CYBA: variants seen among roughly 807,000 people sequenced by gnomAD.
The protein encoded by CYBA is cytochrome b-245 light chain.
In CYBA, 21 loss-of-function variants were observed where a neutral mutation model predicts 20.8. The ratio of observed to expected loss-of-function variants is 1.01; its 90% CI spans 0.72 to 1.46. The LOEUF (loss-of-function observed/expected upper bound fraction) is 1.46. CYBA is among the 40% of genes most tolerant of loss of function. CYBA has a pLI of 0.00. For synonymous variants in CYBA, 164 were observed against 127.5 expected (o/e 1.29, Z -1.93); for missense variants, 344 against 287.0 (o/e 1.20, Z -1.43).
At chr16:88,645,982 G>C (rs928056484) in intron 5 of CYBA, 134 bp downstream of exon 5, 1 of 757,208 alleles carries the variant, frequency 1.3e-6, no homozygotes, top group South Asian at 1.5e-5. Flanking sequence ...GTGAGCACAC[G>C]CCCAGGCTCA....
intron 1 of CYBA, 155 bp downstream of exon 1, chr16:88,650,801 C>T (rs1246670131): frequency 1.2e-5 from 9 of 771,792 alleles, no homozygotes; most frequent in Non-Finnish European, 1.9e-5. Flanking sequence ...CTGAGGGTCC[C>T]GCCCCCGTTC....
intron 2 of CYBA, 99 bp from the exon 3 acceptor site, chr16:88,647,274 G>C (rs770348758): frequency 9.6e-5 from 113 of 1,172,444 alleles, no homozygotes; most frequent in Non-Finnish European, 1.3e-4. Context: ...GAGCACGGTG[G>C]CTCATGCCTG....
rs1404783991 is a variant in CYBA at position 88,646,070 on chromosome 16, C to CT, written c.369+45dup. On this transcript the variant is annotated intron_variant, in intron 5 of 5. Coordinates refer to ENST00000261623, the MANE Select transcript of CYBA (RefSeq NM_000101.4). ...GTGTCCGAGGGTGTCAGGGCAGGGG[C>CT]TGGGGATGGGGGTGGCCGGGGCCGA... is the stretch of plus-strand genomic sequence containing the variant. 27 of 1,484,398 alleles carry CT rather than the reference C, an allele frequency of 1.8e-5. No individual in the cohort carries two copies. The Admixed American group carries it at 2.6e-4, about 14-fold the overall frequency. 92.0% of individuals were successfully genotyped at this position (1,484,398 alleles called of 1,614,324 possible). A position where few individuals can be genotyped will look rare whatever the true frequency, so the allele number is the denominator to read the frequency against.
chr16:88,647,610 G>A, intron 2 of CYBA: 1 of 367,374 alleles, frequency 2.7e-6, no homozygotes, highest in Non-Finnish European at 5.2e-6. Flanking sequence ...AACAGGTCTG[G>A]CACTCGGGGC....
At chr16:88,647,851 G>A in intron 2 of CYBA, 194 bp downstream of exon 2, 1 of 642,592 alleles carries the variant, frequency 1.6e-6, no homozygotes, top group South Asian at 1.8e-5. Flanking sequence ...TGGCGGGTCT[G>A]CCGCTGATCG....
intron 5 of CYBA, chr16:88,645,861 A>G: frequency 1.7e-6 from 1 of 579,860 alleles, no homozygotes; most frequent in Non-Finnish European, 3.1e-6. Context: ...TGGGGACCCC[A>G]GTACCCCTCC....
At chr16:88,644,957 C>A in intron 5 of CYBA, 1 of 592,952 alleles carries the variant, frequency 1.7e-6, no homozygotes. Flanking sequence ...AGTCCAAGCT[C>A]CACACGGCCA....
Position 88,647,164 on chromosome 16 carries a change from A to G in CYBA, c.140T>C (p.Val47Ala), listed in dbSNP as rs552648681. The G allele has an allele frequency of 6.2e-7, 1 of 1,605,718 alleles. No individual in the cohort carries two copies. The highest frequency in any genetic ancestry group is 2.3e-5 in the East Asian group (1 of 44,392). Residue 47 changes from valine to alanine, a missense_variant, in exon 3 of 6, where the codon GTG (valine) becomes GCG (alanine). Val to Ala is a moderately conservative substitution (Grantham distance 64). Coordinates refer to ENST00000261623, the MANE Select transcript of CYBA (RefSeq NM_000101.4). Reference sequence around the variant, plus strand: ...GGGGTACTCCAGCAGGCACACAAACACGCCCGCCACACTGAAGCCATGTGG... The same window carrying G: ...GGGGTACTCCAGCAGGCACACAAACGCGCCCGCCACACTGAAGCCATGTGG... ...YFGAYSIVAG[V>A]FVCLLEYPRG...
chr16:88,650,250 C>T (rs1009816507), intron 1 of CYBA: 15 of 399,296 alleles, frequency 3.8e-5, no homozygotes, highest in Admixed American at 3.7e-4. Flanking sequence ...AGCCCAGCCT[C>T]ACCCGTGCTG....
At position 88,643,555 on chromosome 16, in the gene CYBA, T is replaced by C; in HGVS notation, c.386A>G (p.Glu129Gly). Residue 129 changes from glutamate to glycine, a missense_variant, in exon 6 of 6, where the codon GAG becomes GGG. Coordinates refer to ENST00000261623, the MANE Select transcript of CYBA (RefSeq NM_000101.4). This position sits in a 1 kb window ranked among gnomAD's most constrained non-coding sequence, Gnocchi z 4.3. ...CTTGGGCTCGATGGGCGTCCACTGC[T>C]CGCCACGCACAGCCGCCTGCGGGGC... Reference protein sequence around the residue: ...GIYLLAAVRGEQWTPIEPKPR... With the variant: ...GIYLLAAVRGGQWTPIEPKPR... 1 of 1,533,796 alleles carries C rather than the reference T, an allele frequency of 6.5e-7. No homozygotes were observed. Among genetic ancestry groups the C allele is most frequent in the Non-Finnish European group, 8.7e-7 (1 of 1,146,174 alleles).
At chr16:88,647,290 C>G in intron 2 of CYBA, 115 bp from the exon 3 acceptor site, 2 of 1,033,724 alleles carry the variant, frequency 1.9e-6, no homozygotes, top group Non-Finnish European at 2.9e-6. Context: ...GCCTGGAATC[C>G]CAGCATTTTG....
intron 1 of CYBA, chr16:88,650,182 C>G (rs751177023): frequency 4.0e-5 from 14 of 347,664 alleles, no homozygotes; most frequent in South Asian, 2.7e-4. Context: ...ACTCCTCCCC[C>G]GGTGCAGGTC....
At chr16:88,645,172 G>A (rs761807173) in intron 5 of CYBA, 2 of 702,132 alleles carry the variant, frequency 2.8e-6, no homozygotes, top group East Asian at 2.7e-5. Context: ...GCCACTAGCT[G>A]TGCGTGGCAG....
chr16:88,650,401 A>G, intron 1 of CYBA: 1 of 457,164 alleles, frequency 2.2e-6, no homozygotes, highest in South Asian at 1.5e-5. Context: ...GTGCCTGTGC[A>G]GCTGGGCTGG....
rs926101214 is a variant in CYBA, at chr16:88,643,732, G to A, written c.370-161C>T. Among the ~76,000 whole-genome samples the A allele has an allele frequency of 1.3e-5, 2 of 151,724 alleles. No individual in the cohort carries two copies. The highest frequency in any genetic ancestry group is 2.4e-5 in the African/African-American group (1 of 41,388). On this transcript the variant is annotated intron_variant, in intron 5 of 5. Transcript: ENST00000261623. The surrounding 1 kb of genome is among the most constrained non-coding windows in gnomAD (Gnocchi z 4.3). ...CTCAGAGAGGTTAAGTGACGCGCCC[G>A]AGGCCACACAGCCAGGACCTGGGTC...
Position 88,643,554 on chromosome 16 carries a change from C to G in CYBA, c.387G>C (p.Glu129Asp). The G allele has an allele frequency of 6.5e-7, 1 of 1,534,076 alleles. No homozygotes were observed. Among genetic ancestry groups the G allele is most frequent in the Non-Finnish European group, 8.7e-7 (1 of 1,146,278 alleles). Residue 129 changes from glutamate to aspartate, a missense_variant, in exon 6 of 6, where the codon GAG becomes GAC. Glu to Asp is a conservative substitution (Grantham distance 45). Coordinates refer to ENST00000261623, the MANE Select transcript of CYBA (RefSeq NM_000101.4). This position sits in a 1 kb window ranked among gnomAD's most constrained non-coding sequence, Gnocchi z 4.3. ...GCTTGGGCTCGATGGGCGTCCACTG[C>G]TCGCCACGCACAGCCGCCTGCGGGG... ...GIYLLAAVRG[E>D]QWTPIEPKPR...
At chr16:88,645,703 C>G in intron 5 of CYBA, 1 of 555,632 alleles carries the variant, frequency 1.8e-6, no homozygotes, top group Admixed American at 3.1e-5. Flanking sequence ...TGTCTGCGTC[C>G]TGGCACCGCC....
chr16:88,647,809 AC>A (rs893839940), intron 2 of CYBA: 26 of 598,706 alleles, frequency 4.3e-5, no homozygotes, highest in Non-Finnish European at 7.2e-5. Context: ...CTCTGGTGAC[AC>A]CCCCTGCCCA....
chr16:88,649,078 T>G (rs552195577), intron 1 of CYBA, among the ~76,000 whole-genome samples: 8 of 119,052 alleles, frequency 6.7e-5, no homozygotes, highest in Admixed American at 4.3e-4. Flanking sequence ...GCTGGGACTA[T>G]GCGCGCCTGC....
Sources: gnomAD v4.1 joint callset for allele counts (sites outside exome capture counted in the v4.1 genomes callset) on GRCh38, gnomAD v4.1.1 for gene constraint, Gnocchi (gnomAD v3.1) non-coding constraint, MANE v1.5 for transcripts, NCBI Gene and HGNC (gene_info 2026-07-23, HGNC 2026-07-21) for gene names.